Variants in ADAM12 observed in about 807,000 individuals in gnomAD.
ADAM12 encodes the protein disintegrin and metalloproteinase domain-containing protein 12.
A neutral mutation model predicts 106.4 loss-of-function variants in ADAM12; 70 were observed. The ratio of observed to expected loss-of-function variants is 0.66; its 90% CI spans 0.54 to 0.80. The LOEUF (loss-of-function observed/expected upper bound fraction) is 0.80, where lower values mean the gene tolerates loss of function less well. Among genes scored for constraint, ADAM12 ranks in the 30% least tolerant of loss-of-function variants. ADAM12 has a pLI of 0.00. For missense variants in ADAM12, 1,010 were observed against 1,171.9 expected, an observed-to-expected ratio of 0.86 and a Z score of 2.02; for synonymous variants, 420 against 433.5, an observed-to-expected ratio of 0.97 and a Z score of 0.39.
chr10:126,086,846 C>T (rs1955367070), intron 11 of ADAM12, among the ~76,000 whole-genome samples: 1 of 149,776 alleles, frequency 6.7e-6, no homozygotes, highest in African/African-American at 2.5e-5. Context: ...CCAGCCTGGC[C>T]AACATGGTGA....
rs1466979270 is a variant in ADAM12 at position 126,278,997 on chromosome 10, T to C, written c.187-9A>G. On this transcript the variant is annotated splice_polypyrimidine_tract_variant and intron_variant, in intron 2 of 22. Coordinates refer to ENST00000448723, the MANE Select transcript of ADAM12 (RefSeq NM_001288973.2). ...AGCACTTCTGGATGATTCTGAAAGA[T>C]AAACAACAAAAGTCAGTTGAAAAAC... 6.2e-7 allele frequency: 1 copy of C among 1,610,254 alleles called. No individual in the cohort carries two copies. Among genetic ancestry groups the C allele is most frequent in the Non-Finnish European group, 8.5e-7 (1 of 1,177,172 alleles).
intron 3 of ADAM12, among the ~76,000 whole-genome samples, chr10:126,263,328 T>C (rs1590702372): frequency 6.6e-6 from 1 of 152,164 alleles, no homozygotes; most frequent in African/African-American, 2.4e-5. Context: ...GAGGCTTAAC[T>C]TCAGATTATA....
intron 2 of ADAM12, among the ~76,000 whole-genome samples, chr10:126,305,441 T>C (rs1032645697): frequency 9.2e-5 from 14 of 152,032 alleles, no homozygotes; most frequent in Non-Finnish European, 1.5e-4. Flanking sequence ...TAAAACAGAT[T>C]GGTCGTTACT....
At chr10:126,158,066 G>C (rs1331141352) in intron 3 of ADAM12, among the ~76,000 whole-genome samples, 1 of 152,246 alleles carries the variant, frequency 6.6e-6, no homozygotes, top group African/African-American at 2.4e-5. Context: ...CAGTTCCAAA[G>C]GGAAGCAGAG....
rs964510998 is a variant in ADAM12, at chr10:126,014,667, G to A, written c.*2612C>T. On this transcript the variant is annotated 3_prime_UTR_variant, in exon 23 of 23. Coordinates refer to ENST00000448723, the MANE Select transcript of ADAM12 (RefSeq NM_001288973.2). The stretch of plus-strand genomic sequence containing the variant: ...AATTTCAGGAGACAAACCTTTCAGC[G>A]GAATTGCCTGGAACCCATGAAGTGA... 3 of 151,974 alleles carry A rather than the reference G, an allele frequency of 2.0e-5. No homozygotes were observed. The highest frequency in any genetic ancestry group is 1.3e-4 in the Admixed American group (2 of 15,264). The allele number at this position is 151,974 out of a possible 1,614,324, so 9.4% of individuals were successfully genotyped here. A position where few individuals can be genotyped will look rare whatever the true frequency, so the allele number is the denominator to read the frequency against.
intron 5 of ADAM12, 110 bp downstream of exon 5, chr10:126,135,474 C>A: frequency 9.7e-7 from 1 of 1,033,034 alleles, no homozygotes; most frequent in South Asian, 1.4e-5. Flanking sequence ...TGTAGCTGAG[C>A]TGGGAGCCCC....
chr10:126,269,409 C>T (rs933630402), intron 3 of ADAM12, among the ~76,000 whole-genome samples: 1 of 152,188 alleles, frequency 6.6e-6, no homozygotes, highest in Non-Finnish European at 1.5e-5. Flanking sequence ...AACTTTCAAG[C>T]TTTCCAGAGA....
At chr10:126,040,633 C>T (rs1954143669) in intron 18 of ADAM12, among the ~76,000 whole-genome samples, 1 of 152,182 alleles carries the variant, frequency 6.6e-6, no homozygotes, top group African/African-American at 2.4e-5. Context: ...GGCAAAATGT[C>T]ACTCTTTTCA....
At chr10:126,051,588 T>TCCATCCAGCCAGCCAGCCAGCCAG (rs1281562847) in intron 14 of ADAM12, among the ~76,000 whole-genome samples, 10 of 124,400 alleles carry the variant, frequency 8.0e-5, no homozygotes, top group Admixed American at 1.6e-4. Context: ...CATCCATCCA[T>TCCATCCAGCCAGCCAGCCAGCCAG]CCAGCCAGCC....
intron 1 of ADAM12, among the ~76,000 whole-genome samples, chr10:126,384,663 A>C (rs1035072824): frequency 6.6e-5 from 10 of 152,172 alleles, no homozygotes; most frequent in Admixed American, 6.5e-4. Flanking sequence ...GTTCTTCCAG[A>C]AAGTGTGGAA....
At chr10:126,204,560 C>G (rs1461949769) in intron 3 of ADAM12, among the ~76,000 whole-genome samples, 1 of 152,198 alleles carries the variant, frequency 6.6e-6, no homozygotes, top group Non-Finnish European at 1.5e-5. Flanking sequence ...AGGGCATTTT[C>G]CTCTGGGAAA....
chr10:126,048,569 A>AAAATGGAGTCCT (rs1954388375), intron 16 of ADAM12, among the ~76,000 whole-genome samples: 1 of 152,110 alleles, frequency 6.6e-6, no homozygotes, highest in Non-Finnish European at 1.5e-5. Context: ...GACCATGTTG[A>AAAATGGAGTCCT]AAATGGAGTC....
At chr10:126,069,810 G>A (rs1025045949) in intron 12 of ADAM12, among the ~76,000 whole-genome samples, 4 of 152,118 alleles carry the variant, frequency 2.6e-5, no homozygotes, top group Non-Finnish European at 4.4e-5. Flanking sequence ...GGTGATGATG[G>A]TCATGAGAGA....
chr10:126,370,829 T>C (rs969920844), intron 1 of ADAM12, among the ~76,000 whole-genome samples: 4 of 152,178 alleles, frequency 2.6e-5, no homozygotes, highest in East Asian at 1.9e-4. Flanking sequence ...CAGCCTCTTA[T>C]AAGATGCAAG....
At chr10:126,122,400 T>G (rs1956131243) in intron 5 of ADAM12, among the ~76,000 whole-genome samples, 1 of 152,106 alleles carries the variant, frequency 6.6e-6, no homozygotes, top group Non-Finnish European at 1.5e-5. Flanking sequence ...ACTTCTAACT[T>G]TGGAATAGGT....
intron 5 of ADAM12, among the ~76,000 whole-genome samples, chr10:126,128,280 C>A (rs1172458302): frequency 6.6e-6 from 1 of 152,044 alleles, no homozygotes; most frequent in Non-Finnish European, 1.5e-5. Context: ...GGGTCAGTAC[C>A]TGGTGATATG....
intron 3 of ADAM12, among the ~76,000 whole-genome samples, chr10:126,181,480 C>T (rs2133784196): frequency 6.6e-6 from 1 of 152,262 alleles, no homozygotes; most frequent in African/African-American, 2.4e-5. Flanking sequence ...CCATGTCCTA[C>T]TCAATTTGTG....
intron 2 of ADAM12, among the ~76,000 whole-genome samples, chr10:126,314,385 G>A (rs1961254880): frequency 6.6e-6 from 1 of 152,172 alleles, no homozygotes; most frequent in African/African-American, 2.4e-5. Flanking sequence ...GAGTTTCAAT[G>A]CAGACAGAGT....
At position 126,197,387 on chromosome 10, in the gene ADAM12, G is replaced by A. The variant is rs550724839; in HGVS notation, c.261-42082C>T. On this transcript the variant is annotated intron_variant, in intron 3 of 22. Coordinates refer to ENST00000448723, the MANE Select transcript of ADAM12 (RefSeq NM_001288973.2). ...CGGGATACATGTCCCAGGCTTGAGC[G>A]GAAGGGAGGCAAGTTGAGGGTTTTG... is the stretch of plus-strand genomic sequence containing the variant. Among the ~76,000 whole-genome samples, 7 of 152,318 alleles carry A rather than the reference G, an allele frequency of 4.6e-5. No individual in the cohort carries two copies. The East Asian group carries it at 7.7e-4, about 17-fold the overall frequency.
Sources: allele counts gnomAD v4.1 joint callset (sites outside exome capture counted in the v4.1 genomes callset), GRCh38; gene constraint gnomAD v4.1.1; transcripts MANE v1.5; gene names NCBI Gene and HGNC (gene_info 2026-07-23, HGNC 2026-07-21).